MRTFA: variants seen among roughly 807,000 people sequenced by gnomAD.
The protein encoded by MRTFA is myocardin-related transcription factor A.
MRTFA carries 20 observed loss-of-function variants against 83.5 expected under a neutral mutation model. The ratio of observed to expected loss-of-function variants is 0.24; its 90% CI spans 0.17 to 0.35. The LOEUF (loss-of-function observed/expected upper bound fraction) is 0.35, where lower values mean the gene tolerates loss of function less well. Among genes scored for constraint, MRTFA ranks in the 10% least tolerant of loss-of-function variants. The pLI, the probability that MRTFA is intolerant of heterozygous loss-of-function variation, is 1.00. For synonymous variants in MRTFA, 659 were observed against 541.2 expected (o/e 1.22, Z -3.02); for missense variants, 1,200 against 1,224.7 (o/e 0.98, Z 0.30).
intron 1 of MRTFA, among the ~76,000 whole-genome samples, chr22:40,597,591 G>A (rs1181749243): frequency 1.3e-5 from 2 of 152,190 alleles, no homozygotes; most frequent in African/African-American, 4.8e-5. Flanking sequence ...CAAATCCAAA[G>A]TTTATTTTTA....
chr22:40,453,591 G>C (rs1006775997), intron 4 of MRTFA, among the ~76,000 whole-genome samples: 1 of 152,134 alleles, frequency 6.6e-6, no homozygotes, highest in African/African-American at 2.4e-5. Flanking sequence ...CCCAGAGAGA[G>C]AGGATTTGCC....
chr22:40,536,889 G>A (rs1256602062), intron 3 of MRTFA, among the ~76,000 whole-genome samples: 1 of 50,980 alleles, frequency 2.0e-5, no homozygotes, highest in African/African-American at 7.7e-5. Context: ...TCTGAGAAGT[G>A]AGGAGCCCCT....
chr22:40,560,994 T>C (rs964435526), intron 2 of MRTFA, among the ~76,000 whole-genome samples: 1 of 152,176 alleles, frequency 6.6e-6, no homozygotes, highest in Non-Finnish European at 1.5e-5. Context: ...CCAAATGGTA[T>C]GGTTCTTCTG....
intron 3 of MRTFA, among the ~76,000 whole-genome samples, chr22:40,540,565 G>A (rs1016715632): frequency 2.0e-5 from 3 of 151,908 alleles, no homozygotes; most frequent in African/African-American, 4.8e-5. Flanking sequence ...TGAGGTGGGT[G>A]GATCAGGGGT....
chr22:40,539,905 C>CT (rs367760561), intron 3 of MRTFA, among the ~76,000 whole-genome samples: 16,223 of 127,296 alleles, frequency 0.13, 1,165 homozygotes, highest in South Asian at 0.19. Flanking sequence ...TCACGGTTAT[C>CT]TTTTTTTTTT....
chr22:40,606,083 G>A (rs2056316039), intron 1 of MRTFA, among the ~76,000 whole-genome samples: 1 of 152,024 alleles, frequency 6.6e-6, no homozygotes, highest in African/African-American at 2.4e-5. Context: ...TCCAGGTGGG[G>A]ACTCCACTAT....
rs191859113 is a variant in MRTFA at position 40,423,223 on chromosome 22, A to G, written c.927+313T>C. 3.9e-5 allele frequency among the ~76,000 whole-genome samples: 6 copies of G among 152,334 alleles called. No homozygotes were observed. The East Asian group carries it at 1.2e-3, about 29-fold the overall frequency. ...CACTTCTCAGCTCCTCTCTTGTAGC[A>G]CAGGGCTCTATTTCTGCCTTGCGGA... On this transcript the variant is annotated intron_variant, in intron 9 of 14. Coordinates refer to ENST00000355630, the MANE Select transcript of MRTFA (RefSeq NM_020831.6).
At chr22:40,479,226 T>C (rs2054048177) in intron 3 of MRTFA, among the ~76,000 whole-genome samples, 2 of 152,078 alleles carry the variant, frequency 1.3e-5, no homozygotes, top group Admixed American at 6.5e-5. Context: ...CAGCCACATA[T>C]ACAGTAAGGA....
intron 3 of MRTFA, among the ~76,000 whole-genome samples, chr22:40,494,469 A>C (rs2054318084): frequency 6.6e-6 from 1 of 152,080 alleles, no homozygotes; most frequent in Non-Finnish European, 1.5e-5. Flanking sequence ...ACTTGAACCC[A>C]AGGAGTTCAA....
intron 8 of MRTFA, 79 bp downstream of exon 8, chr22:40,424,127 C>A: frequency 7.1e-7 from 1 of 1,415,584 alleles, no homozygotes. Flanking sequence ...GGAGGCATCC[C>A]GTGGCCCAGG....
chr22:40,610,043 C>CTTTTTTTTTTTTTTTTT (rs966206904), intron 1 of MRTFA, among the ~76,000 whole-genome samples: 1 of 124,598 alleles, frequency 8.0e-6, no homozygotes, highest in African/African-American at 2.9e-5. Context: ...TTTTTTTTCT[C>CTTTTTTTTTTTTTTTTT]TTTTTTTTTT....
intron 3 of MRTFA, among the ~76,000 whole-genome samples, chr22:40,534,548 A>G (rs576151744): frequency 6.6e-6 from 1 of 152,300 alleles, no homozygotes; most frequent in African/African-American, 2.4e-5. Context: ...TCGACCTTCC[A>G]GGCTCAAGTG....
chr22:40,447,177 G>C (rs539382594), intron 4 of MRTFA, among the ~76,000 whole-genome samples: 1 of 151,934 alleles, frequency 6.6e-6, no homozygotes, highest in African/African-American at 2.4e-5. Context: ...GCAATATAGT[G>C]AAACTCCGTC....
At chr22:40,555,871 C>A (rs1355938294) in intron 2 of MRTFA, among the ~76,000 whole-genome samples, 1 of 151,894 alleles carries the variant, frequency 6.6e-6, no homozygotes, top group African/African-American at 2.4e-5. Flanking sequence ...GATCTCCTGA[C>A]CTCAAGATCC....
intron 3 of MRTFA, among the ~76,000 whole-genome samples, chr22:40,498,273 A>ATATATAT (rs1569297933): frequency 2.2e-4 from 9 of 40,972 alleles, no homozygotes; most frequent in African/African-American, 9.5e-4. Flanking sequence ...ATATATATAT[A>ATATATAT]TTTTTTTTTT....
chr22:40,533,636 G>A (rs1240076220), intron 3 of MRTFA: 1 of 1,229,472 alleles, frequency 8.1e-7, no homozygotes, highest in East Asian at 3.2e-5. Context: ...GTAGAGTCAT[G>A]ACGGATTCTT....
At chr22:40,424,498 G>A in intron 7 of MRTFA, 117 bp from the exon 8 acceptor site, 1 of 1,111,592 alleles carries the variant, frequency 9.0e-7, no homozygotes, top group East Asian at 2.7e-5. Flanking sequence ...CATGCCCCGT[G>A]AGGCAGGCAA....
chr22:40,619,291 GTA>G, intron 1 of MRTFA, among the ~76,000 whole-genome samples: 1 of 151,300 alleles, frequency 6.6e-6, no homozygotes, highest in Middle Eastern at 3.4e-3. Flanking sequence ...CTGTGTTGTT[GTA>G]TAGAGTACAT....
intron 3 of MRTFA, among the ~76,000 whole-genome samples, chr22:40,535,802 T>C (rs1019339736): frequency 6.6e-6 from 1 of 152,174 alleles, no homozygotes; most frequent in African/African-American, 2.4e-5. Context: ...GTCTCCCTCC[T>C]GCCAAAACTG....
Sources: allele counts gnomAD v4.1 joint callset (sites outside exome capture counted in the v4.1 genomes callset), GRCh38; gene constraint gnomAD v4.1.1; transcripts MANE v1.5; gene names NCBI Gene and HGNC (gene_info 2026-07-23, HGNC 2026-07-21).